STXBP5L: variants seen among roughly 807,000 people sequenced by gnomAD.
The protein encoded by STXBP5L is syntaxin binding protein 5L, also known as syntaxin-binding protein 5-like.
Under a neutral mutation model 144.5 loss-of-function variants are expected in STXBP5L, and 65 were observed. The observed-to-expected ratio is 0.45, with a 90% CI of 0.37 to 0.55. The LOEUF is 0.55. Among genes scored for constraint, STXBP5L ranks in the 20% least tolerant of loss-of-function variants. STXBP5L has a pLI of 0.00. For synonymous variants in STXBP5L, 505 were observed against 469.6 expected, an observed-to-expected ratio of 1.08 and a Z score of -0.97; for missense variants, 1,298 against 1,405.5, an observed-to-expected ratio of 0.92 and a Z score of 1.22.
intron 5 of STXBP5L, among the ~76,000 whole-genome samples, chr3:121,052,499 T>C (rs1948095041): frequency 6.6e-6 from 1 of 152,174 alleles, no homozygotes; most frequent in South Asian, 2.1e-4. Context: ...AAAAACCACA[T>C]GATTATCTCA....
chr3:120,995,730 A>T (rs976315158), intron 3 of STXBP5L, among the ~76,000 whole-genome samples: 1 of 152,104 alleles, frequency 6.6e-6, no homozygotes, highest in Non-Finnish European at 1.5e-5. Context: ...TTTTACATAC[A>T]TTGAGCGCCA....
intron 5 of STXBP5L, among the ~76,000 whole-genome samples, chr3:121,065,713 G>A (rs2041511348): frequency 6.6e-6 from 1 of 152,034 alleles, no homozygotes; most frequent in African/African-American, 2.4e-5. Flanking sequence ...CACCATGCCT[G>A]GCTTATTTGA....
intron 20 of STXBP5L, among the ~76,000 whole-genome samples, chr3:121,356,527 C>G (rs1326364141): frequency 6.6e-6 from 1 of 152,230 alleles, no homozygotes; most frequent in Non-Finnish European, 1.5e-5. Context: ...CTTGTCTGCC[C>G]ATTGCTAAGA....
chr3:120,937,949 T>C (rs1337143084), intron 2 of STXBP5L, among the ~76,000 whole-genome samples: 2 of 152,160 alleles, frequency 1.3e-5, no homozygotes, highest in African/African-American at 4.8e-5. Context: ...TGAGTTATTT[T>C]AAAATTGAGA....
chr3:120,991,655 A>T lies in STXBP5L; in HGVS notation c.287+36618A>T, dbSNP rs1157388355. On this transcript the variant is annotated intron_variant, in intron 3 of 26. Coordinates refer to ENST00000471454, the MANE Select transcript of STXBP5L (RefSeq NM_001308330.2). Reference sequence around the variant, plus strand: ...ACCATGGAATACTGTGCAGCCATAAAAAATGATGAGTTCATGTCCTTTGTA... The same window carrying T: ...ACCATGGAATACTGTGCAGCCATAATAAATGATGAGTTCATGTCCTTTGTA... Among the ~76,000 whole-genome samples, 5 of 152,354 alleles carry T rather than the reference A, an allele frequency of 3.3e-5. No homozygotes were observed. In the East Asian group the frequency reaches 9.6e-4, roughly 29 times the overall value.
chr3:121,010,150 G>T (rs565783430), intron 3 of STXBP5L, among the ~76,000 whole-genome samples: 1 of 151,986 alleles, frequency 6.6e-6, no homozygotes. Flanking sequence ...GGCCATGATA[G>T]TGTTTTAAGT....
At chr3:121,110,844 C>T (rs2043950570) in intron 5 of STXBP5L, among the ~76,000 whole-genome samples, 2 of 152,144 alleles carry the variant, frequency 1.3e-5, no homozygotes, top group Admixed American at 6.5e-5. Context: ...CCCTGTTCTC[C>T]CTGTCTCTTT....
intron 9 of STXBP5L, among the ~76,000 whole-genome samples, chr3:121,173,932 G>C (rs1240529534): frequency 6.6e-6 from 1 of 151,902 alleles, no homozygotes; most frequent in African/African-American, 2.4e-5. Flanking sequence ...TAAGGTTTTT[G>C]ATATTGCACT....
intron 3 of STXBP5L, among the ~76,000 whole-genome samples, chr3:121,036,200 G>A (rs1183837041): frequency 6.6e-6 from 1 of 152,030 alleles, no homozygotes; most frequent in African/African-American, 2.4e-5. Context: ...GGGCACGGTT[G>A]TGGGCTCCTG....
At chr3:121,187,403 G>A (rs1238732377) in intron 9 of STXBP5L, among the ~76,000 whole-genome samples, 3 of 145,742 alleles carry the variant, frequency 2.1e-5, no homozygotes, top group Non-Finnish European at 3.0e-5. Flanking sequence ...GCCTGTTGTA[G>A]GGTGGGGGGA....
chr3:121,256,733 T>A (rs1042668401), intron 16 of STXBP5L, among the ~76,000 whole-genome samples: 1 of 151,674 alleles, frequency 6.6e-6, no homozygotes, highest in African/African-American at 2.4e-5. Flanking sequence ...CATATACACG[T>A]TTGTGTGTGT....
chr3:120,964,822 T>A (rs1417142860), intron 3 of STXBP5L, among the ~76,000 whole-genome samples: 1 of 152,210 alleles, frequency 6.6e-6, no homozygotes, highest in African/African-American at 2.4e-5. Flanking sequence ...GTCCTGGACA[T>A]CCTTGTTAAC....
intron 20 of STXBP5L, among the ~76,000 whole-genome samples, chr3:121,334,163 G>A (rs533105423): frequency 1.7e-4 from 26 of 151,982 alleles, no homozygotes; most frequent in Non-Finnish European, 3.1e-4. Context: ...AAGCTTCCCC[G>A]GCCATGTGGA....
chr3:121,063,015 A>T (rs2041360094), intron 5 of STXBP5L, among the ~76,000 whole-genome samples: 1 of 152,288 alleles, frequency 6.6e-6, no homozygotes, highest in East Asian at 1.9e-4. Flanking sequence ...CTGTCAATTC[A>T]TCAAACTCAT....
chr3:121,348,799 T>A (rs1024632294), intron 20 of STXBP5L, among the ~76,000 whole-genome samples: 21 of 152,246 alleles, frequency 1.4e-4, no homozygotes, highest in Admixed American at 1.2e-3. Flanking sequence ...GGATCGGCGG[T>A]GATATCCCCT....
intron 7 of STXBP5L, among the ~76,000 whole-genome samples, chr3:121,148,471 G>A (rs530690775): frequency 3.3e-5 from 5 of 152,120 alleles, no homozygotes; most frequent in African/African-American, 1.2e-4. Context: ...GGAAAGAAAG[G>A]AATTTCATTA....
Position 121,186,775 on chromosome 3 carries a change from A to C in STXBP5L, c.878-19148A>C, listed in dbSNP as rs191649175. 4.2e-3 allele frequency among the ~76,000 whole-genome samples: 646 copies of C among 152,288 alleles called. 4 individuals are homozygous for C. Among genetic ancestry groups the C allele is most frequent in the Admixed American group, 0.011 (169 of 15,286 alleles). ...AAAGGGTATGAACAGACGCTTCTCA[A>C]AAGAAGACATTTATGCAGCCAAAAG... is the stretch of plus-strand genomic sequence containing the variant. On this transcript the variant is annotated intron_variant, in intron 9 of 26. Coordinates refer to ENST00000471454, the MANE Select transcript of STXBP5L (RefSeq NM_001308330.2).
chr3:121,409,272 A>G (rs2047064371), intron 23 of STXBP5L, among the ~76,000 whole-genome samples: 1 of 151,916 alleles, frequency 6.6e-6, no homozygotes, highest in South Asian at 2.1e-4. Context: ...AAGGAGATTG[A>G]GAAGTTATTA....
At chr3:121,142,343 A>G (rs1413279505) in intron 7 of STXBP5L, among the ~76,000 whole-genome samples, 4 of 152,030 alleles carry the variant, frequency 2.6e-5, no homozygotes, top group Non-Finnish European at 5.9e-5. Context: ...TCAATAATAG[A>G]CAGATTATCC....
Sources: gnomAD v4.1 joint callset for allele counts (sites outside exome capture counted in the v4.1 genomes callset) on GRCh38, gnomAD v4.1.1 for gene constraint, MANE v1.5 for transcripts, NCBI Gene and HGNC (gene_info 2026-07-23, HGNC 2026-07-21) for gene names.